The following NINL variants were observed in gnomAD, a reference collection of about 807,000 sequenced individuals.
The protein encoded by NINL is ninein-like protein.
Under a neutral mutation model 160.3 loss-of-function variants are expected in NINL, and 153 were observed. The observed-to-expected ratio is 0.95, with a 90% CI of 0.84 to 1.09. NINL has a LOEUF of 1.09. Among genes scored for constraint, NINL ranks in the 50% least tolerant of loss-of-function variants. The pLI, the probability that NINL is intolerant of heterozygous loss-of-function variation, is 0.00. For synonymous variants in NINL, 800 were observed against 734.8 expected, an observed-to-expected ratio of 1.09 and a Z score of -1.43; for missense variants, 1,829 against 1,764.0, an observed-to-expected ratio of 1.04 and a Z score of -0.66.
rs565863818 is a variant in NINL at position 25,494,633 on chromosome 20, G to A, written c.1310+2030C>T. Among the ~76,000 whole-genome samples the A allele has an allele frequency of 5.3e-5, 8 of 152,260 alleles. No individual in the cohort carries two copies. The South Asian group carries it at 8.3e-4, about 16-fold the overall frequency. ...GCGAACAGAGGCGGGGTGAGGCCCC[G>A]CCCTGTCCCAGCCACCCCCTATGGA... is the stretch of plus-strand genomic sequence containing the variant. On this transcript the variant is annotated intron_variant, in intron 10 of 23. Transcript: ENST00000278886.
rs374076242 is a variant in NINL, at chr20:25,489,935, C to T, written c.1536G>A (p.Ser512=). Reference sequence around the variant, plus strand: ...GCTTCAGGGCCAGCCTCTCCGAATCCGAAAGCTTTTCCACCACTTCCACAA... The same window carrying T: ...GCTTCAGGGCCAGCCTCTCCGAATCTGAAAGCTTTTCCACCACTTCCACAA... ...KEIVEVVEKL[S]DSERLALKLQ... The change falls in exon 12 of 24, where the codon TCG becomes TCA. Residue 512 remains serine, a synonymous_variant. Coordinates refer to ENST00000278886, the MANE Select transcript of NINL (RefSeq NM_025176.6). 1.8e-5 allele frequency: 29 copies of T among 1,614,056 alleles called. No individual in the cohort carries two copies. The highest frequency in any genetic ancestry group is 2.2e-5 in the East Asian group (1 of 44,894).
intron 13 of NINL, among the ~76,000 whole-genome samples, chr20:25,486,365 G>A (rs1185105796): frequency 1.3e-5 from 2 of 152,184 alleles, no homozygotes; most frequent in Admixed American, 1.3e-4. Context: ...AGAATAGCAT[G>A]TCTTTAAGTA....
chr20:25,575,144 T>C (rs1307399637), intron 1 of NINL, among the ~76,000 whole-genome samples: 1 of 152,142 alleles, frequency 6.6e-6, no homozygotes, highest in East Asian at 1.9e-4. Flanking sequence ...AACTTTCAAA[T>C]GTATAGAAAA....
chr20:25,519,690 G>A (rs1309560368), intron 2 of NINL, among the ~76,000 whole-genome samples: 1 of 152,110 alleles, frequency 6.6e-6, no homozygotes, highest in Non-Finnish European at 1.5e-5. Context: ...ACAGTAACAC[G>A]AATGTATCTC....
chr20:25,519,989 CAAAAAAAAAAAAAAAA>C (rs59160061), intron 2 of NINL, among the ~76,000 whole-genome samples: 1 of 12,128 alleles, frequency 8.2e-5, no homozygotes, highest in Non-Finnish European at 2.1e-4. Flanking sequence ...GACCCCGTCT[CAAAAAAAAAAAAAAAA>C]AAAAAAAAAA....
At chr20:25,552,864 G>A (rs1439554471) in intron 1 of NINL, among the ~76,000 whole-genome samples, 1 of 152,244 alleles carries the variant, frequency 6.6e-6, no homozygotes, top group East Asian at 1.9e-4. Context: ...ATCTGCGAAG[G>A]TCAGTAAACA....
intron 1 of NINL, among the ~76,000 whole-genome samples, chr20:25,536,630 A>C (rs2064560684): frequency 6.6e-6 from 1 of 152,140 alleles, no homozygotes; most frequent in Non-Finnish European, 1.5e-5. Context: ...GAGGCAAGAG[A>C]ATTGCTTGAG....
chr20:25,575,537 G>A (rs2065105724), intron 1 of NINL, among the ~76,000 whole-genome samples: 2 of 151,326 alleles, frequency 1.3e-5, no homozygotes, highest in Admixed American at 1.3e-4. Flanking sequence ...TGGATCATGA[G>A]GTCAGGAATT....
In NINL at chr20:25,476,998, G is replaced by A; in HGVS notation, c.2293C>T (p.Pro765Ser). ...CTCCCGCGTGGCAGGGGTCCCTGCG[G>A]CGGCTCCTCCAGCTCCAAGGTCAGG... Reference protein sequence around the residue: ...RDLTLELEEPPQGPLPRGSQR... With the variant: ...RDLTLELEEPSQGPLPRGSQR... The change falls in exon 17 of 24, where the codon CCG becomes TCG. Residue 765 changes from proline (P) to serine (S), a missense_variant. Transcript: ENST00000278886. 6.2e-7 allele frequency: 1 copy of A among 1,602,664 alleles called. No individual in the cohort carries two copies. Among genetic ancestry groups the A allele is most frequent in the Non-Finnish European group, 8.5e-7 (1 of 1,179,732 alleles).
At chr20:25,562,139 C>G (rs1038003766) in intron 1 of NINL, among the ~76,000 whole-genome samples, 1 of 144,652 alleles carries the variant, frequency 6.9e-6, no homozygotes, top group Non-Finnish European at 1.5e-5. Context: ...GTCAGCCCCC[C>G]GCCAGGCGAG....
chr20:25,463,133 T>C (rs1001498287), intron 19 of NINL, among the ~76,000 whole-genome samples: 2 of 152,034 alleles, frequency 1.3e-5, no homozygotes, highest in African/African-American at 2.4e-5. Flanking sequence ...CACAGATGAT[T>C]TGGCCCCAAA....
Position 25,482,009 on chromosome 20 carries a change from G to A in NINL, c.1769C>T (p.Pro590Leu), listed in dbSNP as rs370737932. ...AGGGAGCTGCCGTCTGCGCCCATCCGGGCTCCATGAGGGGCTGTGCCGGTT... is the reference window on the plus strand; with the variant it reads ...AGGGAGCTGCCGTCTGCGCCCATCCAGGCTCCATGAGGGGCTGTGCCGGTT... ...PKNRHSPSWS[P>L]DGRRRQLPGL... Residue 590 changes from proline to leucine, a missense_variant, in exon 14 of 24, where the codon CCG becomes CTG. Transcript: ENST00000278886. 2.8e-5 allele frequency: 45 copies of A among 1,598,400 alleles called. No homozygotes were observed. Among genetic ancestry groups the A allele is most frequent in the African/African-American group, 1.9e-4 (14 of 74,920 alleles).
intron 1 of NINL, among the ~76,000 whole-genome samples, chr20:25,535,797 G>T (rs1157770258): frequency 1.3e-5 from 2 of 152,030 alleles, no homozygotes; most frequent in Non-Finnish European, 2.9e-5. Context: ...TTTTCTCCTT[G>T]CCTCCCTCTC....
At chr20:25,577,242 C>T (rs1366606567) in intron 1 of NINL, among the ~76,000 whole-genome samples, 2 of 152,192 alleles carry the variant, frequency 1.3e-5, no homozygotes, top group Non-Finnish European at 2.9e-5. Context: ...ATCCCAGGAC[C>T]GTGGGTACTC....
intron 5 of NINL, among the ~76,000 whole-genome samples, chr20:25,507,473 T>C (rs1460414317): frequency 1.3e-5 from 2 of 152,160 alleles, no homozygotes; most frequent in African/African-American, 4.8e-5. Context: ...GAGTTATATG[T>C]CCAGCCAGAC....
intron 1 of NINL, among the ~76,000 whole-genome samples, chr20:25,578,737 G>A (rs2065142759): frequency 6.8e-6 from 1 of 147,558 alleles, no homozygotes; most frequent in Admixed American, 6.9e-5. Flanking sequence ...AGCTTGCAGT[G>A]AGCGGAGATC....
intron 1 of NINL, among the ~76,000 whole-genome samples, chr20:25,571,869 A>G (rs914681490): frequency 9.6e-4 from 7 of 7,280 alleles, no homozygotes; most frequent in Admixed American, 3.4e-3. Context: ...CTCTGTCTGA[A>G]AAAAAAAAAA....
intron 3 of NINL, among the ~76,000 whole-genome samples, chr20:25,515,222 C>T (rs2064140080): frequency 6.6e-6 from 1 of 152,184 alleles, no homozygotes; most frequent in Admixed American, 6.5e-5. Context: ...ATTGGTGTGG[C>T]CTGGATGTAA....
intron 21 of NINL, among the ~76,000 whole-genome samples, chr20:25,460,161 T>G (rs2062748225): frequency 6.6e-6 from 1 of 152,134 alleles, no homozygotes; most frequent in Non-Finnish European, 1.5e-5. Context: ...GGCATGACAG[T>G]GACTGCCCTA....
Sources: allele counts gnomAD v4.1 joint callset (sites outside exome capture counted in the v4.1 genomes callset), GRCh38; gene constraint gnomAD v4.1.1; transcripts MANE v1.5; gene names NCBI Gene and HGNC (gene_info 2026-07-23, HGNC 2026-07-21).